Variants in ECHS1 observed in about 807,000 individuals in gnomAD.
The protein encoded by ECHS1 is enoyl-CoA hydratase, mitochondrial.
ECHS1 carries 19 observed loss-of-function variants against 33.5 expected under a neutral mutation model. The observed-to-expected ratio is 0.57, with a 90% confidence interval of 0.40 to 0.83. The LOEUF is 0.83. ECHS1 is among the 40% of genes least tolerant of loss of function. ECHS1 has a pLI of 0.00. For missense variants in ECHS1, 365 were observed against 381.3 expected, an observed-to-expected ratio of 0.96 and a Z score of 0.36; for synonymous variants, 158 against 146.6, an observed-to-expected ratio of 1.08 and a Z score of -0.56.
Position 133,368,969 on chromosome 10 carries a change from C to T in ECHS1, c.468G>A (p.Glu156=), listed in dbSNP as rs1849069359. 6.2e-7 allele frequency: 1 copy of T among 1,613,668 alleles called. No individual in the cohort carries two copies. The highest frequency in any genetic ancestry group is 8.5e-7 in the Non-Finnish European group (1 of 1,179,968). Residue 156 remains glutamate (E), a synonymous_variant, in exon 4 of 8, where the codon GAG becomes GAA. Transcript: ENST00000368547. ...TCTCCGGCTGTGCAAACTGGGCCTTCTCACCGGCATAGATGATATCACACA... is the reference window on the plus strand; with the variant it reads ...TCTCCGGCTGTGCAAACTGGGCCTTTTCACCGGCATAGATGATATCACACA... The part of the protein sequence containing the change: ...AMMCDIIYAG[E]KAQFAQPEIL...
intron 2 of ECHS1, 106 bp downstream of exon 2, chr10:133,370,454 A>G (rs1273615577): frequency 1.3e-5 from 16 of 1,198,156 alleles, no homozygotes; most frequent in South Asian, 3.4e-5. Context: ...CCCCAGTCGC[A>G]TGCCTCTGCC....
rs1849030400 is a variant in ECHS1 at position 133,366,368 on chromosome 10, AG to A, written c.620-274del. On this transcript the variant is annotated intron_variant, in intron 5 of 7. Coordinates refer to ENST00000368547, the MANE Select transcript of ECHS1 (RefSeq NM_004092.4). ...AGACACGGGGACTGTGATCACCAAC[AG>A]GGCAGTGGGAGGACCGGCCACTGAG... Among the ~76,000 whole-genome samples the A allele has an allele frequency of 1.3e-5, 2 of 152,244 alleles. 1 individual carries two copies. Among genetic ancestry groups the A allele is most frequent in the South Asian group, 4.1e-4 (2 of 4,836 alleles).
At chr10:133,366,230 CG>C in intron 5 of ECHS1, 135 bp from the exon 6 acceptor site, 1 of 992,944 alleles carries the variant, frequency 1.0e-6, no homozygotes, top group South Asian at 1.6e-5. Flanking sequence ...GGCTTCCACA[CG>C]GGAAGTGCCG....
intron 2 of ECHS1, 51 bp from the exon 3 acceptor site, chr10:133,370,082 C>T (rs1311475662): frequency 1.9e-6 from 3 of 1,607,298 alleles, no homozygotes; most frequent in Non-Finnish European, 1.7e-6. Flanking sequence ...GAGAGCCCAC[C>T]CATCCTATAT....
At chr10:133,368,823 C>A in intron 4 of ECHS1, 100 bp downstream of exon 4, 1 of 1,139,046 alleles carries the variant, frequency 8.8e-7, no homozygotes. Context: ...GGCTGTCCAT[C>A]CAGGGCCTCT....
intron 1 of ECHS1, among the ~76,000 whole-genome samples, chr10:133,372,553 C>T (rs1849122753): frequency 1.3e-5 from 2 of 152,114 alleles, no homozygotes; most frequent in African/African-American, 2.4e-5. Context: ...GGGAACACCC[C>T]GGATTTTTAC....
rs942101221 is a variant in ECHS1, at chr10:133,362,586, C to A, written c.*282G>T. 3 of 497,686 alleles carry A rather than the reference C, an allele frequency of 6.0e-6. No individual in the cohort carries two copies. Among genetic ancestry groups the A allele is most frequent in the Non-Finnish European group, 1.1e-5 (3 of 275,572 alleles). The allele number at this position is 497,686 out of a possible 1,614,324, so 30.8% of individuals were successfully genotyped here. A position where few individuals can be genotyped will look rare whatever the true frequency, so the allele number is the denominator to read the frequency against. On this transcript the variant is annotated 3_prime_UTR_variant, in exon 8 of 8. Transcript: ENST00000368547. ...CTTCAGCGGCAGGGACACAAGGACC[C>A]GCAGGCCCCGCTTTCCGTCCGAGCA... is the stretch of plus-strand genomic sequence containing the variant.
At position 133,362,844 on chromosome 10, in the gene ECHS1, G is replaced by A; in HGVS notation, c.*24C>T. 1 of 1,612,794 alleles carries A rather than the reference G, an allele frequency of 6.2e-7. No homozygotes were observed. The highest frequency in any genetic ancestry group is 1.1e-5 in the South Asian group (1 of 91,066). The stretch of plus-strand genomic sequence containing the variant: ...CTGCACTTGTCCTCTCCAAGCAGAG[G>A]TGTGAAGCAGGGGCAGCTGGTTCTC... On this transcript the variant is annotated 3_prime_UTR_variant, in exon 8 of 8. Coordinates refer to ENST00000368547, the MANE Select transcript of ECHS1 (RefSeq NM_004092.4).
At chr10:133,364,141 C>T (rs537360559) in intron 7 of ECHS1, among the ~76,000 whole-genome samples, 14 of 152,000 alleles carry the variant, frequency 9.2e-5, no homozygotes, top group Non-Finnish European at 1.8e-4. Context: ...AGACGGGTTT[C>T]GTCATGTTGC....
chr10:133,363,787 G>A (rs891038729), intron 7 of ECHS1, among the ~76,000 whole-genome samples: 8 of 152,074 alleles, frequency 5.3e-5, no homozygotes, highest in African/African-American at 1.9e-4. Context: ...CTGCCTCAAA[G>A]GGAAGAAAAT....
chr10:133,369,334 G>C (rs764153639), intron 3 of ECHS1, among the ~76,000 whole-genome samples: 1 of 151,850 alleles, frequency 6.6e-6, no homozygotes, highest in Non-Finnish European at 1.5e-5. Context: ...TGGCTGTGCC[G>C]GGAAAACTCC....
Position 133,366,074 on chromosome 10 carries a change from G to T in ECHS1, c.641C>A (p.Pro214His). The T allele has an allele frequency of 6.2e-7, 1 of 1,613,730 alleles. No homozygotes were observed. Residue 214 changes from proline (P) to histidine (H), a missense_variant, in exon 6 of 8, where the codon CCT becomes CAT. By Grantham distance (77) the Pro-to-His change is moderately conservative (BLOSUM62 -2). Transcript: ENST00000368547. ...KQAGLVSKIC[P>H]VETLVEEAIQ... ...GGCTTCTTCCACCAGTGTCTCAACA[G>T]GACAAATCTTGCTGACAAGACCTGA... is the stretch of plus-strand genomic sequence containing the variant.
At chr10:133,367,450 G>C (rs997280064) in intron 4 of ECHS1, among the ~76,000 whole-genome samples, 3 of 151,616 alleles carry the variant, frequency 2.0e-5, no homozygotes, top group Non-Finnish European at 4.4e-5. Flanking sequence ...ATTGTGAGAA[G>C]AGACCTAGAA....
intron 1 of ECHS1, 127 bp downstream of exon 1, chr10:133,373,119 G>A (rs1268817606): frequency 1.2e-5 from 8 of 676,066 alleles, no homozygotes; most frequent in Non-Finnish European, 1.7e-5. Flanking sequence ...CGGAAGAGGG[G>A]TGTGGGTTGG....
rs776186632 is a variant in ECHS1, at chr10:133,364,679, G to T, written c.786C>A (p.Leu262=). 1 of 1,613,838 alleles carries T rather than the reference G, an allele frequency of 6.2e-7. No homozygotes were observed. The change falls in exon 7 of 8, where the codon CTC becomes CTA. Residue 262 remains leucine (L), a synonymous_variant. Transcript: ENST00000368547. ...TCACAGTGGCAAAGGTTGAATAAAAGAGTTTCTTCTCCAACTTACTTCCTT... is the reference window on the plus strand; with the variant it reads ...TCACAGTGGCAAAGGTTGAATAAAATAGTTTCTTCTCCAACTTACTTCCTT... ...LTEGSKLEKK[L]FYSTFATDDR...
chr10:133,370,502 A>G (rs1849089849), intron 2 of ECHS1, 58 bp downstream of exon 2: 2 of 1,437,740 alleles, frequency 1.4e-6, no homozygotes, highest in African/African-American at 2.9e-5. Context: ...GCTTCTCCCA[A>G]GGCCATACGT....
intron 7 of ECHS1, 24 bp from the exon 8 acceptor site, chr10:133,362,957 A>G (rs1848983692): frequency 1.2e-6 from 2 of 1,613,464 alleles, no homozygotes; most frequent in Non-Finnish European, 1.7e-6. Flanking sequence ...GAACAGAAAC[A>G]GAGCTGGACG....
At chr10:133,370,781 G>T in intron 1 of ECHS1, 24 bp from the exon 2 acceptor site, 1 of 1,598,348 alleles carries the variant, frequency 6.3e-7, no homozygotes, top group Non-Finnish European at 8.5e-7. Flanking sequence ...GCAAAAAGGG[G>T]TATCTATTCA....
chr10:133,362,730 C>A lies in ECHS1; in HGVS notation c.*138G>T. 1.0e-6 allele frequency: 1 copy of A among 975,042 alleles called. No homozygotes were observed. Among genetic ancestry groups the A allele is most frequent in the Non-Finnish European group, 1.6e-6 (1 of 623,900 alleles). The allele number at this position is 975,042 out of a possible 1,614,324, so 60.4% of individuals were successfully genotyped here. A position where few individuals can be genotyped will look rare whatever the true frequency, so the allele number is the denominator to read the frequency against. On this transcript the variant is annotated 3_prime_UTR_variant, in exon 8 of 8. Coordinates refer to ENST00000368547, the MANE Select transcript of ECHS1 (RefSeq NM_004092.4). ...GCTGTCATGCCGTGAGAGGTCGGGC[C>A]ACGACCACGCAGCAATTGGAGAGGA...
Sources: allele counts gnomAD v4.1 joint callset (sites outside exome capture counted in the v4.1 genomes callset), GRCh38; gene constraint gnomAD v4.1.1; transcripts MANE v1.5; gene names NCBI Gene and HGNC (gene_info 2026-07-23, HGNC 2026-07-21).